PALLD: variants seen among roughly 807,000 people sequenced by gnomAD.
The protein encoded by PALLD is palladin.
PALLD carries 61 observed loss-of-function variants against 123.5 expected under a neutral mutation model. The observed-to-expected ratio is 0.49, with a 90% CI of 0.40 to 0.61. The LOEUF (loss-of-function observed/expected upper bound fraction) is 0.61, where lower values mean the gene tolerates loss of function less well. Ranked by LOEUF, PALLD falls within the 20% of genes least tolerant of loss-of-function variation. The pLI is 0.00. For missense variants in PALLD, 1,273 were observed against 1,377.0 expected (o/e 0.92, Z 1.20); for synonymous variants, 465 against 496.4 (o/e 0.94, Z 0.84).
At chr4:168,914,614 TAGAG>T (rs35221849) in intron 16 of PALLD, among the ~76,000 whole-genome samples, 3,127 of 152,282 alleles carry the variant, frequency 0.021, 86 homozygotes, top group African/African-American at 0.069. Flanking sequence ...TAGGCAGAGA[TAGAG>T]AAAGGATTAT....
At chr4:168,754,360 G>A (rs1442663946) in intron 10 of PALLD, among the ~76,000 whole-genome samples, 1 of 152,112 alleles carries the variant, frequency 6.6e-6, no homozygotes. Flanking sequence ...TTGATACATG[G>A]TTTATTTCAT....
At chr4:168,586,153 TAAAA>T (rs35474736) in intron 2 of PALLD, among the ~76,000 whole-genome samples, 13 of 75,522 alleles carry the variant, frequency 1.7e-4, no homozygotes, top group Middle Eastern at 8.9e-3. Context: ...TCAAGAGACC[TAAAA>T]AAAAAAAAAA....
chr4:168,577,714 C>CTGGCCAAAGA (rs1561266551), intron 2 of PALLD, among the ~76,000 whole-genome samples: 1 of 151,126 alleles, frequency 6.6e-6, no homozygotes, highest in African/African-American at 2.4e-5. Flanking sequence ...TTGGAGGACC[C>CTGGCCAAAGA]AAGAGTAGAG....
At chr4:168,565,075 C>T (rs1033194928) in intron 2 of PALLD, among the ~76,000 whole-genome samples, 5 of 151,628 alleles carry the variant, frequency 3.3e-5, no homozygotes, top group African/African-American at 1.2e-4. Context: ...TGCCTGTAGT[C>T]CCAGCTACTC....
At chr4:168,530,633 T>C (rs1285841800) in intron 2 of PALLD, 1 of 152,240 alleles carries the variant, frequency 6.6e-6, no homozygotes, top group African/African-American at 2.4e-5. Context: ...AACTGCACTG[T>C]CTCTTTGAGT....
chr4:168,625,506 T>TATATATATATATATATATATATAC (rs1775166346), intron 2 of PALLD, among the ~76,000 whole-genome samples: 1 of 86,348 alleles, frequency 1.2e-5, no homozygotes, highest in Non-Finnish European at 2.4e-5. Flanking sequence ...CCAGGAGATA[T>TATATATATATATATATATATATAC]ATATATATAT....
At position 168,914,011 on chromosome 4, in the gene PALLD, C is replaced by A; in HGVS notation, c.2707C>A (p.His903Asn). Reference sequence around the variant, plus strand: ...TCCCCGGTCTCCCTCAGGCCATCCTCATGTCAGAAGGTATTTAACATGTTC... The same window carrying A: ...TCCCCGGTCTCCCTCAGGCCATCCTAATGTCAGAAGGTATTTAACATGTTC... Reference protein sequence around the residue: ...RSPRSPSGHPHVRRPRSRSRD... With the variant: ...RSPRSPSGHPNVRRPRSRSRD... Residue 903 changes from histidine to asparagine, a missense_variant, in exon 16 of 22, where the codon CAT becomes AAT. Physicochemically the swap from His to Asn is moderately conservative, Grantham distance 68. This residue lies in a region of PALLD where 329 missense variants were observed against 422.5 expected (regional missense o/e 0.78). Transcript: ENST00000505667. 1 of 1,596,014 alleles carries A rather than the reference C, an allele frequency of 6.3e-7. No homozygotes were observed. The highest frequency in any genetic ancestry group is 8.6e-7 in the Non-Finnish European group (1 of 1,163,646).
chr4:168,506,560 G>A (rs1203003160), intron 1 of PALLD, among the ~76,000 whole-genome samples: 2 of 151,886 alleles, frequency 1.3e-5, no homozygotes, highest in South Asian at 2.1e-4. Flanking sequence ...AATCATCCCC[G>A]CTTTTTTACA....
intron 2 of PALLD, among the ~76,000 whole-genome samples, chr4:168,535,706 A>C (rs1765026636): frequency 6.6e-6 from 1 of 152,196 alleles, no homozygotes; most frequent in Admixed American, 6.5e-5. Flanking sequence ...CACGGTGAGA[A>C]TTGTTCCATT....
intron 10 of PALLD, among the ~76,000 whole-genome samples, chr4:168,795,770 T>G (rs1327553051): frequency 1.3e-5 from 2 of 151,718 alleles, no homozygotes; most frequent in African/African-American, 4.8e-5. Flanking sequence ...TGCAGTTGTG[T>G]GATTATAGCT....
At chr4:168,840,430 C>T (rs1162222794) in intron 10 of PALLD, among the ~76,000 whole-genome samples, 1 of 152,050 alleles carries the variant, frequency 6.6e-6, no homozygotes, top group Non-Finnish European at 1.5e-5. Context: ...ATTCCTTGGC[C>T]CTTCTTTATA....
At chr4:168,749,770 TA>T (rs967492815) in intron 10 of PALLD, among the ~76,000 whole-genome samples, 17 of 152,168 alleles carry the variant, frequency 1.1e-4, no homozygotes, top group African/African-American at 4.1e-4. Flanking sequence ...GCAGATTTGT[TA>T]CATGGGGGTA....
chr4:168,658,447 G>T (rs527548613), intron 2 of PALLD, among the ~76,000 whole-genome samples: 129 of 152,198 alleles, frequency 8.5e-4, no homozygotes, highest in Non-Finnish European at 1.5e-3. Context: ...ACCATGCCCA[G>T]TTAGTTTTCA....
At chr4:168,802,206 C>T (rs1739443638) in intron 10 of PALLD, among the ~76,000 whole-genome samples, 1 of 152,096 alleles carries the variant, frequency 6.6e-6, no homozygotes, top group Non-Finnish European at 1.5e-5. Flanking sequence ...TCTCACATAG[C>T]CAGAGTTTAG....
At chr4:168,840,505 C>T (rs2150921979) in intron 10 of PALLD, among the ~76,000 whole-genome samples, 1 of 152,260 alleles carries the variant, frequency 6.6e-6, no homozygotes, top group Non-Finnish European at 1.5e-5. Context: ...ATCAGTTCAT[C>T]TCCCGCTTTT....
chr4:168,765,531 A>T (rs1581361681), intron 10 of PALLD, among the ~76,000 whole-genome samples: 1 of 152,174 alleles, frequency 6.6e-6, no homozygotes, highest in East Asian at 1.9e-4. Flanking sequence ...CCCACTTCAC[A>T]CTGTGGTCTT....
rs564983218 is a variant in PALLD, at chr4:168,525,154, G to A, written c.908+12742G>A. Among the ~76,000 whole-genome samples the A allele has an allele frequency of 2.6e-5, 4 of 152,286 alleles. No individual in the cohort carries two copies. In the South Asian group the frequency reaches 8.3e-4, roughly 32 times the overall value. ...TGGGCCAAGCCTGAGGACACACACTGCTGCCTAAAATCGAGGAAGAAAGGG... is the reference window on the plus strand; with the variant it reads ...TGGGCCAAGCCTGAGGACACACACTACTGCCTAAAATCGAGGAAGAAAGGG... On this transcript the variant is annotated intron_variant, in intron 2 of 21. Coordinates refer to ENST00000505667, the MANE Select transcript of PALLD (RefSeq NM_001166108.2).
At chr4:168,664,769 G>GA (rs11301858) in intron 2 of PALLD, among the ~76,000 whole-genome samples, 15,789 of 110,482 alleles carry the variant, frequency 0.14, 2,260 homozygotes, top group African/African-American at 0.36. Context: ...AGAGGAGGAG[G>GA]AAAAAAAAAA....
At chr4:168,672,378 T>C (rs1780367278) in intron 3 of PALLD, among the ~76,000 whole-genome samples, 1 of 152,194 alleles carries the variant, frequency 6.6e-6, no homozygotes, top group Non-Finnish European at 1.5e-5. Context: ...TTGTATCCTT[T>C]GACAGTCTCT....
Sources: gnomAD v4.1 joint callset for allele counts (sites outside exome capture counted in the v4.1 genomes callset) on GRCh38, gnomAD v4.1.1 for gene constraint, gnomAD v4.1.1 regional missense constraint, MANE v1.5 for transcripts, NCBI Gene and HGNC (gene_info 2026-07-23, HGNC 2026-07-21) for gene names.